PTPRB: variants seen among roughly 807,000 people sequenced by gnomAD.
PTPRB encodes receptor-type tyrosine-protein phosphatase beta.
In PTPRB, 97 loss-of-function variants were observed where a neutral mutation model predicts 238.1. That is an observed-to-expected ratio of 0.41 (90% CI 0.35 to 0.48). The LOEUF is 0.48. Ranked by LOEUF, PTPRB falls within the 20% of genes least tolerant of loss-of-function variation. The probability of loss-of-function intolerance (pLI) is 0.30; values close to 1 mark genes in which losing one functional copy is unlikely to be tolerated. For synonymous variants in PTPRB, 970 were observed against 995.4 expected (o/e 0.97, Z 0.48); for missense variants, 2,292 against 2,681.9 (o/e 0.85, Z 3.21).
intron 22 of PTPRB, chr12:70,542,109 C>T (rs1875226198): frequency 6.6e-6 from 1 of 152,190 alleles, no homozygotes; most frequent in Non-Finnish European, 1.5e-5. Flanking sequence ...CTCACTAACT[C>T]TTGTTACTGT....
At chr12:70,629,788 C>T (rs552453054) in intron 2 of PTPRB, among the ~76,000 whole-genome samples, 1 of 152,242 alleles carries the variant, frequency 6.6e-6, no homozygotes, top group African/African-American at 2.4e-5. Context: ...CACAGAAATA[C>T]AAACTACCAT....
chr12:70,624,701 C>T (rs1005397439), intron 2 of PTPRB, among the ~76,000 whole-genome samples: 2 of 152,056 alleles, frequency 1.3e-5, no homozygotes, highest in Admixed American at 1.3e-4. Flanking sequence ...TTGACTGCTA[C>T]GTATGACAAT....
intron 4 of PTPRB, among the ~76,000 whole-genome samples, chr12:70,597,518 T>C (rs954140503): frequency 6.6e-6 from 1 of 152,188 alleles, no homozygotes; most frequent in African/African-American, 2.4e-5. Flanking sequence ...GCCCCTACCC[T>C]GAGTGCTGAG....
At chr12:70,617,602 TC>T (rs1325277775) in intron 3 of PTPRB, among the ~76,000 whole-genome samples, 4 of 152,182 alleles carry the variant, frequency 2.6e-5, no homozygotes, top group Non-Finnish European at 4.4e-5. Context: ...GCGGGGTGTC[TC>T]CCCTGCATAC....
At chr12:70,584,762 G>A (rs905993166) in intron 9 of PTPRB, among the ~76,000 whole-genome samples, 7 of 152,010 alleles carry the variant, frequency 4.6e-5, no homozygotes, top group South Asian at 2.1e-4. Flanking sequence ...TTTGAATAAC[G>A]TTCTCCAGGA....
At chr12:70,563,808 C>A (rs1031433294) in intron 15 of PTPRB, among the ~76,000 whole-genome samples, 1 of 152,264 alleles carries the variant, frequency 6.6e-6, no homozygotes, top group South Asian at 2.1e-4. Context: ...ACCAGACATC[C>A]CAGGTGAAAA....
At chr12:70,605,341 C>G (rs932256194) in intron 4 of PTPRB, among the ~76,000 whole-genome samples, 8 of 152,162 alleles carry the variant, frequency 5.3e-5, no homozygotes, top group African/African-American at 1.7e-4. Context: ...TTATCTGTAT[C>G]TATATATTGG....
In PTPRB at chr12:70,581,025, C is replaced by T. The variant is rs187075896; in HGVS notation, c.2578+11G>A. ...TTAGTTAAGTCACAGACACATATCT[C>T]TACTTCTTACCTGTTCTTCCCTCCA... On this transcript the variant is annotated intron_variant, in intron 10 of 33. Transcript: ENST00000334414. 9 of 1,611,974 alleles carry T rather than the reference C, an allele frequency of 5.6e-6. No homozygotes were observed. The Middle Eastern group carries it at 5.0e-4, about 89-fold the overall frequency.
intron 9 of PTPRB, among the ~76,000 whole-genome samples, chr12:70,584,730 CT>C (rs1450886112): frequency 6.6e-6 from 1 of 151,888 alleles, no homozygotes; most frequent in East Asian, 1.9e-4. Context: ...GAGTTTGTCC[CT>C]AGAAACTCTC....
chr12:70,531,290 A>ACTTT (rs998948121), intron 32 of PTPRB, among the ~76,000 whole-genome samples: 2 of 148,336 alleles, frequency 1.3e-5, no homozygotes, highest in Admixed American at 1.3e-4. Context: ...AGAACTTTTT[A>ACTTT]CTTTTCCAAC....
intron 4 of PTPRB, among the ~76,000 whole-genome samples, chr12:70,606,913 C>G (rs1464215085): frequency 6.6e-6 from 1 of 152,070 alleles, no homozygotes; most frequent in African/African-American, 2.4e-5. Flanking sequence ...ATGCAAATAC[C>G]ACCTGCAACT....
At position 70,540,948 on chromosome 12, in the gene PTPRB, A is replaced by T. The variant is rs763953156; in HGVS notation, c.5504T>A (p.Phe1835Tyr). The change falls in exon 23 of 34, where the codon TTT becomes TAT. Residue 1835 changes from phenylalanine to tyrosine, a missense_variant. Phe to Tyr is a conservative substitution (Grantham distance 22). Coordinates refer to ENST00000334414, the MANE Select transcript of PTPRB (RefSeq NM_001109754.4). ...AGCACTCACACCTTCAATAGCTCCAAACAAGGGCTCTACAATAATCCAGAT... is the reference window on the plus strand; with the variant it reads ...AGCACTCACACCTTCAATAGCTCCATACAAGGGCTCTACAATAATCCAGAT... ...LPITTESEPLFGAIEGVSAGL... is the reference protein window; with the variant it reads ...LPITTESEPLYGAIEGVSAGL... 5 of 1,602,342 alleles carry T rather than the reference A, an allele frequency of 3.1e-6. No homozygotes were observed. The highest frequency in any genetic ancestry group is 1.3e-5 in the African/African-American group (1 of 74,766).
chr12:70,612,233 C>A (rs568251717), intron 3 of PTPRB, among the ~76,000 whole-genome samples: 1 of 152,272 alleles, frequency 6.6e-6, no homozygotes, highest in East Asian at 1.9e-4. Context: ...CATGAGCATA[C>A]TATGAAACAA....
At chr12:70,591,418 C>G (rs1250080730) in intron 7 of PTPRB, among the ~76,000 whole-genome samples, 1 of 151,702 alleles carries the variant, frequency 6.6e-6, no homozygotes, top group Non-Finnish European at 1.5e-5. Context: ...TATTTGACCT[C>G]TTTGAATTAT....
chr12:70,516,968 A>G lies in PTPRB; in HGVS notation c.*4521T>C, dbSNP rs949059297. Reference sequence around the variant, plus strand: ...ACATTTATTCCGAGGGAGCCTCCCTACAAGTCAAGAGTATTCTCTTAGCCA... The same window carrying G: ...ACATTTATTCCGAGGGAGCCTCCCTGCAAGTCAAGAGTATTCTCTTAGCCA... On this transcript the variant is annotated 3_prime_UTR_variant, in exon 34 of 34. Transcript: ENST00000334414. 5 of 152,232 alleles carry G rather than the reference A, an allele frequency of 3.3e-5. No individual in the cohort carries two copies. The highest frequency in any genetic ancestry group is 1.2e-4 in the African/African-American group (5 of 41,460). The allele number at this position is 152,232 out of a possible 1,614,324, so 9.4% of individuals were successfully genotyped here. A position where few individuals can be genotyped will look rare whatever the true frequency, so the allele number is the denominator to read the frequency against.
chr12:70,543,975 G>GTAAA (rs1272672057), intron 22 of PTPRB, among the ~76,000 whole-genome samples: 2 of 152,164 alleles, frequency 1.3e-5, no homozygotes, highest in Non-Finnish European at 2.9e-5. Context: ...AAGGTGAACA[G>GTAAA]TAAATACTAG....
Position 70,524,571 on chromosome 12 carries a change from A to G in PTPRB, c.6525T>C (p.His2175=). Residue 2175 remains histidine (H), a synonymous_variant, in exon 33 of 34, where the codon CAT becomes CAC. Coordinates refer to ENST00000334414, the MANE Select transcript of PTPRB (RefSeq NM_001109754.4). The stretch of plus-strand genomic sequence containing the variant: ...CTCTGAGGACATCTCTTACACACTG[A>G]TGTAGGTAGACATACTGACACTGTG... The part of the protein sequence containing the change: ...VQTECQYVYL[H]QCVRDVLRAR... 1.2e-6 allele frequency: 2 copies of G among 1,612,218 alleles called. No individual in the cohort carries two copies. Among genetic ancestry groups the G allele is most frequent in the Non-Finnish European group, 1.7e-6 (2 of 1,178,868 alleles).
chr12:70,628,179 G>C (rs1051168059), intron 2 of PTPRB, among the ~76,000 whole-genome samples: 1 of 152,078 alleles, frequency 6.6e-6, no homozygotes, highest in Non-Finnish European at 1.5e-5. Flanking sequence ...GCAGCCCTTG[G>C]AATTAAAAAA....
chr12:70,564,890 A>C (rs7315072), intron 15 of PTPRB, among the ~76,000 whole-genome samples: 5 of 147,714 alleles, frequency 3.4e-5, no homozygotes, highest in Admixed American at 6.8e-5. Context: ...AATAATAATA[A>C]ATAGATAGAT....
Sources: gnomAD v4.1 joint callset for allele counts (sites outside exome capture counted in the v4.1 genomes callset) on GRCh38, gnomAD v4.1.1 for gene constraint, MANE v1.5 for transcripts, NCBI Gene and HGNC (gene_info 2026-07-23, HGNC 2026-07-21) for gene names.